C17orf99: variants seen among roughly 807,000 people sequenced by gnomAD.
C17orf99 encodes protein IL-40.
Under a neutral mutation model 22.6 loss-of-function variants are expected in C17orf99, and 18 were observed. That is an observed-to-expected ratio of 0.80 (90% confidence interval 0.55 to 1.18). The LOEUF is 1.18. C17orf99 is among the 50% of genes most tolerant of loss of function. The pLI, the probability that C17orf99 is intolerant of heterozygous loss-of-function variation, is 0.00. For missense variants in C17orf99, 328 were observed against 342.7 expected, an observed-to-expected ratio of 0.96 and a Z score of 0.34; for synonymous variants, 147 against 136.6, an observed-to-expected ratio of 1.08 and a Z score of -0.53.
intron 2 of C17orf99, among the ~76,000 whole-genome samples, chr17:78,148,733 G>C (rs1156262681): frequency 6.6e-6 from 1 of 152,170 alleles, no homozygotes; most frequent in Non-Finnish European, 1.5e-5. Context: ...GAAGCAAGGG[G>C]CAAAGGGTAT....
chr17:78,149,501 A>G (rs919232456), intron 2 of C17orf99, among the ~76,000 whole-genome samples: 1 of 152,076 alleles, frequency 6.6e-6, no homozygotes, highest in Non-Finnish European at 1.5e-5. Flanking sequence ...GGATATTCGA[A>G]AGATGATCTC....
chr17:78,161,104 G>A lies in C17orf99; in HGVS notation c.220G>A (p.Val74Met). The change falls in exon 3 of 5, where the codon GTG becomes ATG. Residue 74 changes from valine to methionine, a missense_variant. Transcript: ENST00000340363. Reference protein sequence around the residue: ...GTKNIKVAKKVVKTHEPASFN... With the variant: ...GTKNIKVAKKMVKTHEPASFN... ...CAAGAACATCAAGGTGGCCAAGAAG[G>A]TGGTGAAGACCCACGAGCCGGCCTC... 6.4e-7 allele frequency: 1 copy of A among 1,551,764 alleles called. No homozygotes were observed. The highest frequency in any genetic ancestry group is 8.7e-7 in the Non-Finnish European group (1 of 1,147,012).
At chr17:78,165,803 A>C in intron 4 of C17orf99, 86 bp from the exon 5 acceptor site, 1 of 1,268,040 alleles carries the variant, frequency 7.9e-7, no homozygotes, top group Non-Finnish European at 1.0e-6. Context: ...ACTCCGTCTC[A>C]AAACAAACGA....
At chr17:78,162,449 G>GCCC (rs892497949) in intron 3 of C17orf99, among the ~76,000 whole-genome samples, 1 of 151,622 alleles carries the variant, frequency 6.6e-6, no homozygotes, top group Non-Finnish European at 1.5e-5. Flanking sequence ...AGGAAGTGTT[G>GCCC]CCCGACTTAG....
chr17:78,162,091 C>CGTA (rs1050488087), intron 3 of C17orf99, among the ~76,000 whole-genome samples: 2 of 151,650 alleles, frequency 1.3e-5, no homozygotes, highest in Non-Finnish European at 2.9e-5. Context: ...GTCTGGCCAA[C>CGTA]GTAGTGAAAC....
intron 2 of C17orf99, chr17:78,157,905 C>A: frequency 1.7e-6 from 2 of 1,165,994 alleles, no homozygotes; most frequent in Non-Finnish European, 2.5e-6. Flanking sequence ...CACGGCCATG[C>A]CAAGGTCCAC....
intron 3 of C17orf99, among the ~76,000 whole-genome samples, chr17:78,162,165 A>C (rs1183223854): frequency 2.0e-5 from 3 of 151,760 alleles, no homozygotes; most frequent in African/African-American, 7.3e-5. Flanking sequence ...AATCCCAGCT[A>C]CTGGGGAGGC....
chr17:78,156,539 G>A (rs140477705), intron 2 of C17orf99, among the ~76,000 whole-genome samples: 52 of 152,160 alleles, frequency 3.4e-4, no homozygotes, highest in African/African-American at 1.2e-3. Flanking sequence ...TGGGTCTAGG[G>A]AGAAGAGCAC....
At chr17:78,151,101 C>T (rs1284718591) in intron 2 of C17orf99, among the ~76,000 whole-genome samples, 4 of 150,364 alleles carry the variant, frequency 2.7e-5, no homozygotes, top group Admixed American at 1.3e-4. Flanking sequence ...GCAGCCTGGG[C>T]GACAGAGTGA....
rs577882614 is a variant in C17orf99 at position 78,166,058 on chromosome 17, C to A, written c.*12C>A. The A allele has an allele frequency of 9.4e-6, 11 of 1,173,000 alleles. No individual in the cohort carries two copies. In the African/African-American group the frequency reaches 1.6e-4, roughly 17 times the overall value. 72.7% of individuals were successfully genotyped at this position (1,173,000 alleles called of 1,614,324 possible). A position where few individuals can be genotyped will look rare whatever the true frequency, so the allele number is the denominator to read the frequency against. On this transcript the variant is annotated 3_prime_UTR_variant, in exon 5 of 5. Coordinates refer to ENST00000340363, the MANE Select transcript of C17orf99 (RefSeq NM_001163075.2). ...CAGCAGCCATGTAGAATGAACCGTC[C>A]AGAGAGCCAAGCACGGCAGAGGACT...
At chr17:78,157,798 GAAAAAAAAAAAA>G (rs60891763) in intron 2 of C17orf99, 14 of 383,136 alleles carry the variant, frequency 3.7e-5, no homozygotes, top group African/African-American at 2.6e-4. Flanking sequence ...CTCTGTCTCG[GAAAAAAAAAAAA>G]AAAAAAAAAA....
intron 2 of C17orf99, among the ~76,000 whole-genome samples, chr17:78,153,519 C>G (rs1262995586): frequency 2.0e-5 from 3 of 152,038 alleles, no homozygotes; most frequent in Non-Finnish European, 4.4e-5. Flanking sequence ...GTCCCTGGTA[C>G]AGTGTACTTT....
At chr17:78,157,619 A>G (rs925876852) in intron 2 of C17orf99, 1 of 484,850 alleles carries the variant, frequency 2.1e-6, no homozygotes, top group African/African-American at 2.0e-5. Context: ...TAAAATGGTG[A>G]AACCCCGTCT....
intron 4 of C17orf99, chr17:78,165,637 T>C (rs1385496324): frequency 3.3e-6 from 3 of 909,552 alleles, no homozygotes; most frequent in Non-Finnish European, 4.0e-6. Flanking sequence ...ACCCCGTCTC[T>C]ACTAAAAATA....
chr17:78,146,310 G>A, upstream of C17orf99: 1 of 1,129,928 alleles, frequency 8.9e-7, no homozygotes, highest in Non-Finnish European at 1.3e-6. The surrounding 1 kb of genome is among the most constrained non-coding windows in gnomAD (Gnocchi z 5.2). Flanking sequence ...CCCACTGCAG[G>A]CACCCACCCA....
chr17:78,155,456 A>G (rs2075518180), intron 2 of C17orf99, among the ~76,000 whole-genome samples: 1 of 151,764 alleles, frequency 6.6e-6, no homozygotes. Flanking sequence ...CTGCCCCACC[A>G]CACAGTATTC....
intron 2 of C17orf99, chr17:78,158,074 G>T: frequency 8.6e-7 from 1 of 1,161,976 alleles, no homozygotes; most frequent in Non-Finnish European, 1.3e-6. Context: ...AGGTGCGAGA[G>T]GACTTTCGTC....
At chr17:78,145,878 C>T (rs1260898937), upstream of C17orf99, among the ~76,000 whole-genome samples, 1 of 150,976 alleles carries the variant, frequency 6.6e-6, no homozygotes, top group African/African-American at 2.4e-5. Flanking sequence ...TCACTGCAAC[C>T]TCCGCCTCCT....
chr17:78,166,186 A>G lies in C17orf99; in HGVS notation c.*140A>G, dbSNP rs2075616711. 5.0e-6 allele frequency: 2 copies of G among 398,432 alleles called. No homozygotes were observed. Among genetic ancestry groups the G allele is most frequent in the Non-Finnish European group, 8.8e-6 (2 of 226,766 alleles). 24.7% of individuals were successfully genotyped at this position (398,432 alleles called of 1,614,324 possible). ...AAAAAAAAAAAAAAAAAGGGTAACT[A>G]TGAGAGATGGTGGATATGTTAACTT... On this transcript the variant is annotated 3_prime_UTR_variant, in exon 5 of 5. Coordinates refer to ENST00000340363, the MANE Select transcript of C17orf99 (RefSeq NM_001163075.2).
Sources: gnomAD v4.1 joint callset for allele counts (sites outside exome capture counted in the v4.1 genomes callset) on GRCh38, gnomAD v4.1.1 for gene constraint, Gnocchi (gnomAD v3.1) non-coding constraint, MANE v1.5 for transcripts, NCBI Gene and HGNC (gene_info 2026-07-23, HGNC 2026-07-21) for gene names.